The following F13A1 variants were observed in gnomAD, a reference collection of about 807,000 sequenced individuals.
F13A1 encodes coagulation factor XIII A chain.
A neutral mutation model predicts 80.1 loss-of-function variants in F13A1; 47 were observed. The observed-to-expected ratio is 0.59, with a 90% CI of 0.46 to 0.75. The LOEUF is 0.75. Ranked by LOEUF, F13A1 falls within the 30% of genes least tolerant of loss-of-function variation. F13A1 has a pLI of 0.00. For synonymous variants in F13A1, 349 were observed against 344.9 expected, an observed-to-expected ratio of 1.01 and a Z score of -0.13; for missense variants, 817 against 930.4, an observed-to-expected ratio of 0.88 and a Z score of 1.59.
chr6:6,299,962 C>T (rs1223874864), intron 3 of F13A1, among the ~76,000 whole-genome samples: 2 of 147,302 alleles, frequency 1.4e-5, no homozygotes, highest in Non-Finnish European at 2.9e-5. Context: ...AGTTTTCCTT[C>T]TAACAGACAG....
chr6:6,301,517 C>T (rs932828579), intron 3 of F13A1, among the ~76,000 whole-genome samples: 3 of 152,210 alleles, frequency 2.0e-5, no homozygotes, highest in Non-Finnish European at 4.4e-5. Context: ...TGAACGCACA[C>T]ATCATGGGTT....
chr6:6,151,393 C>A (rs547199651), intron 14 of F13A1, among the ~76,000 whole-genome samples: 1 of 152,082 alleles, frequency 6.6e-6, no homozygotes, highest in Admixed American at 6.5e-5. Context: ...ATATCTGACA[C>A]GTGGTAGGAG....
rs1387253541 is a variant in F13A1, at chr6:6,174,530, CAG to C, written c.1747+48_1747+49del. ...TAACGGGCATTAACACCTAGCAAGA[CAG>C]GGGCCAGACAGCGAGTCTCAGAAAG... On this transcript the variant is annotated intron_variant, in intron 12 of 14. Coordinates refer to ENST00000264870, the MANE Select transcript of F13A1 (RefSeq NM_000129.4). 5.6e-6 allele frequency: 9 copies of C among 1,600,434 alleles called. No individual in the cohort carries two copies. In the Admixed American group the frequency reaches 6.7e-5, roughly 12 times the overall value.
At chr6:6,237,147 G>GA (rs1157172535) in intron 6 of F13A1, among the ~76,000 whole-genome samples, 1 of 152,052 alleles carries the variant, frequency 6.6e-6, no homozygotes, top group Non-Finnish European at 1.5e-5. Flanking sequence ...ATTGCTGTTT[G>GA]AAAAAATTGT....
intron 8 of F13A1, among the ~76,000 whole-genome samples, chr6:6,213,478 T>C (rs1327889244): frequency 1.3e-5 from 2 of 148,788 alleles, no homozygotes; most frequent in African/African-American, 2.5e-5. Flanking sequence ...AAGCAAATGC[T>C]GAGAGATTTT....
intron 3 of F13A1, among the ~76,000 whole-genome samples, chr6:6,268,443 G>A (rs188066262): frequency 1.3e-5 from 2 of 152,066 alleles, no homozygotes; most frequent in South Asian, 2.1e-4. Flanking sequence ...TTTGAGAGTC[G>A]GCCTGTTCTA....
Position 6,243,271 on chromosome 6 carries a change from C to A in F13A1, c.798+5041G>T, listed in dbSNP as rs905758009. ...ACCATCACCATCATCATCACTATCA[C>A]CACCATAATCACCCTACCATCACCA... On this transcript the variant is annotated intron_variant, in intron 6 of 14. Coordinates refer to ENST00000264870, the MANE Select transcript of F13A1 (RefSeq NM_000129.4). The surrounding 1 kb of genome is among the most constrained non-coding windows in gnomAD (Gnocchi z 4.2). Among the ~76,000 whole-genome samples, 1 of 151,612 alleles carries A rather than the reference C, an allele frequency of 6.6e-6. No homozygotes were observed. The highest frequency in any genetic ancestry group is 6.6e-5 in the Admixed American group (1 of 15,222).
intron 6 of F13A1, among the ~76,000 whole-genome samples, chr6:6,245,042 G>C (rs1041734633): frequency 6.6e-6 from 1 of 152,136 alleles, no homozygotes; most frequent in South Asian, 2.1e-4. Context: ...TAGACATTTG[G>C]TAATATGTGG....
chr6:6,204,246 G>A (rs1290484384), intron 8 of F13A1, among the ~76,000 whole-genome samples: 2 of 152,250 alleles, frequency 1.3e-5, no homozygotes, highest in Non-Finnish European at 2.9e-5. Context: ...ATGTTTCAGA[G>A]AAAAGGAGTT....
chr6:6,147,926 C>T (rs187261870), intron 14 of F13A1, among the ~76,000 whole-genome samples: 6 of 152,276 alleles, frequency 3.9e-5, no homozygotes, highest in South Asian at 4.1e-4. Flanking sequence ...TTCTCAGTAA[C>T]GTGCTGAGCC....
At chr6:6,259,167 A>G (rs1470153230) in intron 4 of F13A1, among the ~76,000 whole-genome samples, 2 of 152,212 alleles carry the variant, frequency 1.3e-5, no homozygotes, top group Non-Finnish European at 2.9e-5. Flanking sequence ...GCGACATACT[A>G]TCAATATTTG....
rs1022820332 is a variant in F13A1, at chr6:6,178,051, G to A, written c.1460-3184C>T. Reference sequence around the variant, plus strand: ...CCTGGAGGCCACAGGGAGAGGGGGGGGGGGGTGGGGCTTTTAAGCAGTGCT... The same window carrying A: ...CCTGGAGGCCACAGGGAGAGGGGGGAGGGGGTGGGGCTTTTAAGCAGTGCT... On this transcript the variant is annotated intron_variant, in intron 11 of 14. Transcript: ENST00000264870. 2.2e-3 allele frequency among the ~76,000 whole-genome samples: 296 copies of A among 133,882 alleles called. 3 individuals carry two copies. The South Asian group carries it at 0.037, about 17-fold the overall frequency. 87.8% of individuals were successfully genotyped at this position (133,882 alleles called of 152,430 possible). A position where few individuals can be genotyped will look rare whatever the true frequency, so the allele number is the denominator to read the frequency against.
At chr6:6,206,008 T>C (rs1434761739) in intron 8 of F13A1, among the ~76,000 whole-genome samples, 2 of 152,166 alleles carry the variant, frequency 1.3e-5, no homozygotes, top group Non-Finnish European at 2.9e-5. Context: ...ATATCCTGAC[T>C]GAACATGAAG....
chr6:6,181,987 C>G lies in F13A1; in HGVS notation c.1459+1G>C. 6.2e-7 allele frequency: 1 copy of G among 1,614,134 alleles called. No individual in the cohort carries two copies. The highest frequency in any genetic ancestry group is 2.2e-5 in the East Asian group (1 of 44,880). On this transcript the variant is annotated splice_donor_variant, in intron 11 of 14. Coordinates refer to ENST00000264870, the MANE Select transcript of F13A1 (RefSeq NM_000129.4). LOFTEE classifies it high-confidence loss of function. The stretch of plus-strand genomic sequence containing the variant: ...ATCTTCATTCAGTGGTAGTAAATTA[C>G]CTTCTTGGAATTTGTAAGTATCAGT...
rs907766997 is a variant in F13A1 at position 6,144,736 on chromosome 6, G to C, written c.*883C>G. ...TTGGGCTTATTATATCTCTGAAAGGGGACCTGAACCTGCATCATTCTGCAA... is the reference window on the plus strand; with the variant it reads ...TTGGGCTTATTATATCTCTGAAAGGCGACCTGAACCTGCATCATTCTGCAA... On this transcript the variant is annotated 3_prime_UTR_variant, in exon 15 of 15. Coordinates refer to ENST00000264870, the MANE Select transcript of F13A1 (RefSeq NM_000129.4). 8.5e-5 allele frequency: 13 copies of C among 152,500 alleles called. No homozygotes were observed. The highest frequency in any genetic ancestry group is 3.1e-4 in the African/African-American group (13 of 41,404). The allele number at this position is 152,500 out of a possible 1,614,324, so 9.4% of individuals were successfully genotyped here.
intron 3 of F13A1, among the ~76,000 whole-genome samples, chr6:6,282,966 T>C (rs948445217): frequency 3.3e-5 from 5 of 152,190 alleles, no homozygotes; most frequent in South Asian, 2.1e-4. Flanking sequence ...AATCAACAGC[T>C]TGCATGCTAA....
At chr6:6,280,677 T>G (rs7770172) in intron 3 of F13A1, among the ~76,000 whole-genome samples, 89,169 of 152,034 alleles carry the variant, frequency 0.59, 26,629 homozygotes, top group African/African-American at 0.71. Context: ...CCTTGCCTAA[T>G]GATGCCTTGT....
At chr6:6,295,303 C>A (rs1435913771) in intron 3 of F13A1, among the ~76,000 whole-genome samples, 1 of 148,736 alleles carries the variant, frequency 6.7e-6, no homozygotes, top group Non-Finnish European at 1.5e-5. Context: ...AGTTCTAGAT[C>A]TCTGAGGAAT....
At chr6:6,288,076 T>C (rs752055041) in intron 3 of F13A1, among the ~76,000 whole-genome samples, 2 of 152,226 alleles carry the variant, frequency 1.3e-5, no homozygotes, top group South Asian at 4.1e-4. Context: ...TATGTATACA[T>C]TGTAGAAAGA....
Sources: gnomAD v4.1 joint callset for allele counts (sites outside exome capture counted in the v4.1 genomes callset) on GRCh38, gnomAD v4.1.1 for gene constraint, Gnocchi (gnomAD v3.1) non-coding constraint, MANE v1.5 for transcripts, NCBI Gene and HGNC (gene_info 2026-07-23, HGNC 2026-07-21) for gene names.